OPCML: variants seen among roughly 807,000 people sequenced by gnomAD.
OPCML encodes opioid binding protein/cell adhesion molecule like.
Under a neutral mutation model 37.8 loss-of-function variants are expected in OPCML, and 13 were observed. That is an observed-to-expected ratio of 0.34 (90% CI 0.22 to 0.55). OPCML has a LOEUF of 0.55. Ranked by LOEUF, OPCML falls within the 20% of genes least tolerant of loss-of-function variation. OPCML has a pLI of 0.91. For missense variants in OPCML, 341 were observed against 435.6 expected (o/e 0.78, Z 1.93); for synonymous variants, 176 against 168.8 (o/e 1.04, Z -0.33).
intron 1 of OPCML, among the ~76,000 whole-genome samples, chr11:133,198,430 C>T (rs1938623969): frequency 6.6e-6 from 1 of 152,242 alleles, no homozygotes; most frequent in Admixed American, 6.5e-5. Context: ...CAAAATGGCT[C>T]TGCTCTGCTC....
chr11:132,808,165 C>T (rs1939124694), intron 2 of OPCML, among the ~76,000 whole-genome samples: 1 of 152,158 alleles, frequency 6.6e-6, no homozygotes, highest in African/African-American at 2.4e-5. Context: ...AGTTCTCTAC[C>T]TAATAAGGTT....
intron 3 of OPCML, among the ~76,000 whole-genome samples, chr11:132,607,497 T>G (rs926228343): frequency 6.6e-6 from 1 of 152,208 alleles, no homozygotes; most frequent in African/African-American, 2.4e-5. Flanking sequence ...GGGTCGGGCC[T>G]GTGGTTCCTG....
At chr11:133,194,871 C>T (rs1388272006) in intron 1 of OPCML, among the ~76,000 whole-genome samples, 1 of 152,174 alleles carries the variant, frequency 6.6e-6, no homozygotes. Flanking sequence ...TGGTTTTGTT[C>T]AGCTGGCTTC....
intron 2 of OPCML, among the ~76,000 whole-genome samples, chr11:132,660,870 G>C (rs769878724): frequency 6.6e-6 from 1 of 152,146 alleles, no homozygotes; most frequent in African/African-American, 2.4e-5. Context: ...AGTGGGAGCT[G>C]TCAGAAGGGA....
chr11:132,977,354 T>C (rs928169315), intron 1 of OPCML, among the ~76,000 whole-genome samples: 1 of 152,178 alleles, frequency 6.6e-6, no homozygotes, highest in African/African-American at 2.4e-5. Context: ...GCTGGATCTC[T>C]CAGCTGATTC....
At chr11:132,752,727 T>G (rs1945879399) in intron 2 of OPCML, among the ~76,000 whole-genome samples, 1 of 152,098 alleles carries the variant, frequency 6.6e-6, no homozygotes, top group South Asian at 2.1e-4. Context: ...CTCCTTTTAC[T>G]GGCATAGCTT....
At chr11:132,930,591 A>T (rs973195624) in intron 2 of OPCML, among the ~76,000 whole-genome samples, 29 of 152,160 alleles carry the variant, frequency 1.9e-4, no homozygotes, top group East Asian at 3.9e-4. Context: ...CTGAAAACAT[A>T]AAAAAAATTT....
chr11:133,466,836 T>C (rs1043378252), intron 1 of OPCML, among the ~76,000 whole-genome samples: 1 of 152,118 alleles, frequency 6.6e-6, no homozygotes, highest in Non-Finnish European at 1.5e-5. Flanking sequence ...AGACAGGCGG[T>C]ATCAAGGCTC....
At chr11:132,453,478 G>GA (rs1476580548) in intron 4 of OPCML, among the ~76,000 whole-genome samples, 1 of 152,180 alleles carries the variant, frequency 6.6e-6, no homozygotes, top group African/African-American at 2.4e-5. Context: ...CCTAACACAT[G>GA]ATCGGGCCCC....
intron 2 of OPCML, among the ~76,000 whole-genome samples, chr11:132,669,149 A>G (rs1051478348): frequency 6.6e-6 from 1 of 152,198 alleles, no homozygotes; most frequent in Middle Eastern, 3.4e-3. Context: ...AGGCCCCAAT[A>G]GCTTAGGCAC....
rs112771545 is a variant in OPCML, at chr11:132,965,564, C to T, written c.62-22554G>A. Among the ~76,000 whole-genome samples the T allele has an allele frequency of 7.7e-3, 1,169 of 152,174 alleles. 16 individuals are homozygous for T. The highest frequency in any genetic ancestry group is 0.027 in the African/African-American group (1,127 of 41,512). Reference sequence around the variant, plus strand: ...GTTTGTTTTCTTTTTGAGACAGTCTCGCTCTCTTGCCAGGCTGGAGTGCAG... The same window carrying T: ...GTTTGTTTTCTTTTTGAGACAGTCTTGCTCTCTTGCCAGGCTGGAGTGCAG... On this transcript the variant is annotated intron_variant, in intron 1 of 7. Coordinates refer to ENST00000524381, the MANE Select transcript of OPCML (RefSeq NM_001012393.5).
intron 1 of OPCML, among the ~76,000 whole-genome samples, chr11:133,373,448 T>TATATATATATATATATAC (rs966091785): frequency 2.3e-3 from 309 of 132,028 alleles, no homozygotes; most frequent in African/African-American, 8.4e-3. Context: ...TATATATATA[T>TATATATATATATATATAC]ACACACACAC....
At chr11:133,180,570 A>G (rs1937775571) in intron 1 of OPCML, among the ~76,000 whole-genome samples, 1 of 152,176 alleles carries the variant, frequency 6.6e-6, no homozygotes, top group Non-Finnish European at 1.5e-5. Context: ...GGCACCTTTC[A>G]ACTTGAAGAA....
chr11:132,446,171 A>G (rs1311205731), intron 4 of OPCML, among the ~76,000 whole-genome samples: 2 of 143,202 alleles, frequency 1.4e-5, no homozygotes, highest in Non-Finnish European at 3.0e-5. Flanking sequence ...AAGACACAAC[A>G]TTTTTAGGAT....
At chr11:133,291,929 C>T (rs145737613) in intron 1 of OPCML, among the ~76,000 whole-genome samples, 2 of 152,200 alleles carry the variant, frequency 1.3e-5, no homozygotes, top group Non-Finnish European at 2.9e-5. Flanking sequence ...TCTGGATGTG[C>T]GATTCTGCAG....
intron 3 of OPCML, among the ~76,000 whole-genome samples, chr11:132,561,126 T>C (rs570154496): frequency 3.0e-4 from 46 of 152,326 alleles, no homozygotes; most frequent in African/African-American, 1.1e-3. Flanking sequence ...AAAAAGTCAC[T>C]ACTTCTTGAC....
At chr11:132,604,647 T>C (rs1384937712) in intron 3 of OPCML, among the ~76,000 whole-genome samples, 1 of 152,210 alleles carries the variant, frequency 6.6e-6, no homozygotes, top group Non-Finnish European at 1.5e-5. Context: ...TTCATGACTT[T>C]CTTGTTTTGT....
intron 2 of OPCML, among the ~76,000 whole-genome samples, chr11:132,880,204 T>A (rs1026220811): frequency 3.3e-5 from 5 of 152,120 alleles, no homozygotes; most frequent in African/African-American, 1.2e-4. Flanking sequence ...AATTAAATAA[T>A]TTTTTAAATA....
chr11:133,132,824 C>T (rs879585077), intron 1 of OPCML, among the ~76,000 whole-genome samples: 1 of 148,608 alleles, frequency 6.7e-6, no homozygotes, highest in Admixed American at 6.7e-5. Flanking sequence ...GTGATAGAAG[C>T]GATCAGTATT....
Sources: allele counts gnomAD v4.1 joint callset (sites outside exome capture counted in the v4.1 genomes callset), GRCh38; gene constraint gnomAD v4.1.1; transcripts MANE v1.5; gene names NCBI Gene and HGNC (gene_info 2026-07-23, HGNC 2026-07-21).